The following ADGRA3 variants were observed in gnomAD, a reference collection of about 807,000 sequenced individuals.
The protein encoded by ADGRA3 is adhesion G protein-coupled receptor A3.
A neutral mutation model predicts 119.8 loss-of-function variants in ADGRA3; 56 were observed. The ratio of observed to expected loss-of-function variants is 0.47; its 90% confidence interval spans 0.38 to 0.58. The LOEUF (loss-of-function observed/expected upper bound fraction) is 0.58. Among genes scored for constraint, ADGRA3 ranks in the 20% least tolerant of loss-of-function variants. The pLI is 0.00. For synonymous variants in ADGRA3, 607 were observed against 623.8 expected, an observed-to-expected ratio of 0.97 and a Z score of 0.40; for missense variants, 1,516 against 1,649.0, an observed-to-expected ratio of 0.92 and a Z score of 1.40.
rs1292210374 is a variant in ADGRA3 at position 22,445,099 on chromosome 4, T to C, written c.580A>G (p.Asn194Asp). ...ACCCAGCGATGCATCCACAGTATGT[T>C]ACAGTCACACAAAAGATACTCAGTC... ...FQTEYLLCDC[N>D]ILWMHRWVKE... Residue 194 changes from asparagine (N) to aspartate (D), a missense_variant, in exon 6 of 19, where the codon AAC becomes GAC. Around this residue, in one of 2 missense-constraint regions of ADGRA3, gnomAD observed 428 missense variants for 541.9 expected, o/e 0.79. Coordinates refer to ENST00000334304, the MANE Select transcript of ADGRA3 (RefSeq NM_145290.4). 3 of 1,613,828 alleles carry C rather than the reference T, an allele frequency of 1.9e-6. No individual in the cohort carries two copies. The highest frequency in any genetic ancestry group is 2.5e-6 in the Non-Finnish European group (3 of 1,179,878).
intron 17 of ADGRA3, among the ~76,000 whole-genome samples, chr4:22,390,603 A>G (rs1473033380): frequency 1.3e-5 from 2 of 151,714 alleles, no homozygotes; most frequent in African/African-American, 4.8e-5. Context: ...CCATGATGCT[A>G]AAAATGTCCT....
Position 22,390,445 on chromosome 4 carries a change from T to TA in ADGRA3, c.2628-1263dup, listed in dbSNP as rs541607541. On this transcript the variant is annotated intron_variant, in intron 17 of 18. Coordinates refer to ENST00000334304, the MANE Select transcript of ADGRA3 (RefSeq NM_145290.4). ...ATATAATACGTATTATATATATATA[T>TA]AAAATACGTATTATATATATATTCA... 2.0e-3 allele frequency among the ~76,000 whole-genome samples: 156 copies of TA among 76,850 alleles called. 9 individuals are homozygous for TA. Among genetic ancestry groups the TA allele is most frequent in the African/African-American group, 6.2e-3 (121 of 19,568 alleles). 50.4% of individuals were successfully genotyped at this position (76,850 alleles called of 152,430 possible).
At chr4:22,441,412 G>A (rs1427848690) in intron 7 of ADGRA3, among the ~76,000 whole-genome samples, 1 of 152,178 alleles carries the variant, frequency 6.6e-6, no homozygotes, top group African/African-American at 2.4e-5. Context: ...TCAGAGGTCG[G>A]CAGACTTTTT....
rs772168466 is a variant in ADGRA3 at position 22,388,954 on chromosome 4, A to G, written c.2724-7T>C. 8 of 1,612,108 alleles carry G rather than the reference A, an allele frequency of 5.0e-6. No homozygotes were observed. The highest frequency in any genetic ancestry group is 6.8e-6 in the Non-Finnish European group (8 of 1,178,886). ...TTCCCATGCCATCCAGCAACTGGAA[A>G]AGAAAATGGTAAACCAGATCGATGC... On this transcript the variant is annotated splice_region_variant and splice_polypyrimidine_tract_variant and intron_variant, in intron 18 of 18. Coordinates refer to ENST00000334304, the MANE Select transcript of ADGRA3 (RefSeq NM_145290.4).
chr4:22,399,237 C>T (rs918391149), intron 16 of ADGRA3, among the ~76,000 whole-genome samples: 18 of 152,294 alleles, frequency 1.2e-4, no homozygotes, highest in African/African-American at 4.3e-4. Context: ...ATTATAGTTA[C>T]TGATATATTT....
chr4:22,515,611 G>A lies in ADGRA3; in HGVS notation c.174C>T (p.Ala58=). The change falls in exon 1 of 19, where the codon GCC becomes GCT. Residue 58 remains alanine, a synonymous_variant. Coordinates refer to ENST00000334304, the MANE Select transcript of ADGRA3 (RefSeq NM_145290.4). ...RPRGAGRAAG[A]AEGKVVCSSL... ...TGCTGCACACCACCTTGCCCTCGGC[G>A]GCGCCCGCCGCCCTGCCAGCCCCTC... 6.5e-7 allele frequency: 1 copy of A among 1,548,362 alleles called. No individual in the cohort carries two copies. The highest frequency in any genetic ancestry group is 8.7e-7 in the Non-Finnish European group (1 of 1,148,660).
intron 14 of ADGRA3, 101 bp downstream of exon 14, chr4:22,413,075 TAAAAAA>T: frequency 1.1e-5 from 8 of 721,784 alleles, no homozygotes; most frequent in African/African-American, 2.2e-5. Flanking sequence ...ATGTTAAAAG[TAAAAAA>T]AAAAAAAAAA....
chr4:22,454,783 T>C (rs1330649275), intron 4 of ADGRA3, 83 bp downstream of exon 4: 2 of 1,010,704 alleles, frequency 2.0e-6, no homozygotes, highest in East Asian at 4.9e-5. Context: ...CTACTTATAA[T>C]TAAATACATA....
chr4:22,445,023 G>A lies in ADGRA3; in HGVS notation c.656C>T (p.Ser219Leu). The change falls in exon 6 of 19, where the codon TCA becomes TTA. Residue 219 changes from serine (S) to leucine (L), a missense_variant. Physicochemically the swap from Ser to Leu is moderately radical, Grantham distance 145. Around this residue, in one of 2 missense-constraint regions of ADGRA3, gnomAD observed 428 missense variants for 541.9 expected, o/e 0.79. Coordinates refer to ENST00000334304, the MANE Select transcript of ADGRA3 (RefSeq NM_145290.4). ...VRDTRCVYPKSLQAQPVTGVK... is the reference protein window; with the variant it reads ...VRDTRCVYPKLLQAQPVTGVK... ...GCCTGTGACTGGTTGGGCCTGCAGT[G>A]ACTTAGGATAAACACACCTGGTATC... is the stretch of plus-strand genomic sequence containing the variant. 1.2e-6 allele frequency: 2 copies of A among 1,613,820 alleles called. No homozygotes were observed.
intron 10 of ADGRA3, among the ~76,000 whole-genome samples, chr4:22,434,083 C>CA (rs1278622911): frequency 1.3e-5 from 2 of 150,710 alleles, no homozygotes; most frequent in East Asian, 3.9e-4. Context: ...GCCACAGTTT[C>CA]AAAAACTTAT....
intron 2 of ADGRA3, among the ~76,000 whole-genome samples, chr4:22,468,862 A>G (rs1230172425): frequency 6.6e-6 from 1 of 152,110 alleles, no homozygotes; most frequent in Non-Finnish European, 1.5e-5. Flanking sequence ...CTCAGTGCTA[A>G]AAACAATCTA....
intron 3 of ADGRA3, among the ~76,000 whole-genome samples, chr4:22,457,658 C>T (rs927712587): frequency 6.6e-6 from 1 of 152,196 alleles, no homozygotes; most frequent in Non-Finnish European, 1.5e-5. Context: ...ATATTAAATA[C>T]TCCTGAATGA....
intron 4 of ADGRA3, among the ~76,000 whole-genome samples, chr4:22,452,848 A>G (rs1345411450): frequency 1.3e-5 from 2 of 152,110 alleles, no homozygotes; most frequent in African/African-American, 4.8e-5. Flanking sequence ...GTCCAAAAAC[A>G]TAACAAAAGC....
chr4:22,450,650 T>G (rs114056813), intron 4 of ADGRA3, among the ~76,000 whole-genome samples: 3,389 of 152,230 alleles, frequency 0.022, 49 homozygotes, highest in Middle Eastern at 0.038. Context: ...AAGAGCTGCA[T>G]GTGTATATGA....
intron 16 of ADGRA3, among the ~76,000 whole-genome samples, chr4:22,395,134 C>G (rs1486722447): frequency 4.6e-5 from 7 of 152,042 alleles, no homozygotes; most frequent in Non-Finnish European, 1.0e-4. Flanking sequence ...CTATTATTAA[C>G]TAATGTTAAA....
intron 1 of ADGRA3, among the ~76,000 whole-genome samples, chr4:22,484,562 G>A (rs1284490171): frequency 2.7e-5 from 4 of 149,142 alleles, no homozygotes; most frequent in African/African-American, 5.0e-5. Context: ...CTGAGATCAC[G>A]CCACTGCACT....
intron 12 of ADGRA3, chr4:22,420,360 T>C (rs1715605247): frequency 6.5e-6 from 1 of 153,426 alleles, no homozygotes; most frequent in Non-Finnish European, 1.5e-5. Context: ...TTTTGCTTGC[T>C]TCAATGAAAT....
chr4:22,427,464 A>AC (rs1279927071), intron 10 of ADGRA3, among the ~76,000 whole-genome samples: 3 of 152,108 alleles, frequency 2.0e-5, no homozygotes, highest in Non-Finnish European at 4.4e-5. Flanking sequence ...ATAATTATAA[A>AC]AAAAAAAACA....
At chr4:22,424,745 C>A (rs921765735) in intron 10 of ADGRA3, among the ~76,000 whole-genome samples, 2 of 152,166 alleles carry the variant, frequency 1.3e-5, no homozygotes, top group Admixed American at 1.3e-4. Context: ...TTTGTGCATG[C>A]ATTAGCTTAA....
Sources: allele counts gnomAD v4.1 joint callset (sites outside exome capture counted in the v4.1 genomes callset), GRCh38; gene constraint gnomAD v4.1.1; regional missense constraint gnomAD v4.1.1; transcripts MANE v1.5; gene names NCBI Gene and HGNC (gene_info 2026-07-23, HGNC 2026-07-21).